Variants in DISC1 observed in about 807,000 individuals in gnomAD.
DISC1 encodes DISC1 scaffold protein.
DISC1 carries 57 observed loss-of-function variants against 84.5 expected under a neutral mutation model. The observed-to-expected ratio is 0.67, with a 90% CI of 0.55 to 0.84. The LOEUF (loss-of-function observed/expected upper bound fraction) is 0.84, where lower values mean the gene tolerates loss of function less well. DISC1 is among the 40% of genes least tolerant of loss of function. DISC1 has a pLI of 0.00. For synonymous variants in DISC1, 411 were observed against 415.2 expected, an observed-to-expected ratio of 0.99 and a Z score of 0.12; for missense variants, 1,000 against 1,057.8, an observed-to-expected ratio of 0.95 and a Z score of 0.76.
intron 11 of DISC1, among the ~76,000 whole-genome samples, chr1:232,013,187 T>C (rs821633): frequency 0.37 from 56,914 of 151,920 alleles, 11,062 homozygotes; most frequent in African/African-American, 0.44. Flanking sequence ...TCTGTTTCCA[T>C]TGCTTTTTCT....
At position 232,036,896 on chromosome 1, in the gene DISC1, C is replaced by A; in HGVS notation, c.*65C>A. The A allele has an allele frequency of 1.4e-6, 2 of 1,412,404 alleles. No homozygotes were observed. Among genetic ancestry groups the A allele is most frequent in the Non-Finnish European group, 1.9e-6 (2 of 1,064,428 alleles). The allele number at this position is 1,412,404 out of a possible 1,614,324, so 87.5% of individuals were successfully genotyped here. ...TGGACCCGGGGGGCTGCTCTTCCCTCCCCCGCCATAGCTAAGATGCCTGAA... is the reference window on the plus strand; with the variant it reads ...TGGACCCGGGGGGCTGCTCTTCCCTACCCCGCCATAGCTAAGATGCCTGAA... On this transcript the variant is annotated 3_prime_UTR_variant, in exon 13 of 13. Transcript: ENST00000439617.
chr1:231,792,891 C>T (rs181259618), intron 6 of DISC1, among the ~76,000 whole-genome samples: 13 of 152,350 alleles, frequency 8.5e-5, no homozygotes, highest in Admixed American at 7.2e-4. Context: ...GAATTTTTGT[C>T]AGATGGCAGC....
chr1:231,939,545 T>C (rs2091176238), intron 9 of DISC1, among the ~76,000 whole-genome samples: 1 of 152,186 alleles, frequency 6.6e-6, no homozygotes, highest in Admixed American at 6.5e-5. Flanking sequence ...TTTCTTGTCA[T>C]GCCCTCAGTT....
chr1:231,751,509 A>G (rs1169113230), intron 4 of DISC1, among the ~76,000 whole-genome samples: 1 of 152,210 alleles, frequency 6.6e-6, no homozygotes, highest in East Asian at 1.9e-4. Context: ...ATTGTTAAGT[A>G]TACAGTTCAG....
intron 1 of DISC1, among the ~76,000 whole-genome samples, chr1:231,658,730 G>T (rs1313199413): frequency 6.6e-6 from 1 of 152,162 alleles, no homozygotes; most frequent in East Asian, 1.9e-4. Flanking sequence ...CATATATTGA[G>T]ATAATCATGT....
intron 9 of DISC1, among the ~76,000 whole-genome samples, chr1:231,870,927 T>G (rs189681263): frequency 1.3e-5 from 2 of 152,238 alleles, no homozygotes; most frequent in Admixed American, 1.3e-4. Context: ...ATGACTTTAA[T>G]TTTGCTCTAG....
At chr1:231,673,823 C>G (rs1241093663) in intron 1 of DISC1, among the ~76,000 whole-genome samples, 1 of 152,182 alleles carries the variant, frequency 6.6e-6, no homozygotes, top group Non-Finnish European at 1.5e-5. Flanking sequence ...AGATAAACAA[C>G]AAACATCATT....
intron 9 of DISC1, among the ~76,000 whole-genome samples, chr1:231,941,914 T>C (rs1229932281): frequency 6.6e-6 from 1 of 152,132 alleles, no homozygotes; most frequent in Non-Finnish European, 1.5e-5. Flanking sequence ...GAAAGTGCCC[T>C]CAAAGGCGGG....
At chr1:231,632,869 G>A (rs1033616963) in intron 1 of DISC1, among the ~76,000 whole-genome samples, 9 of 152,082 alleles carry the variant, frequency 5.9e-5, no homozygotes, top group Non-Finnish European at 1.2e-4. Context: ...TCAGGAGTTC[G>A]AGACCATCCT....
intron 9 of DISC1, among the ~76,000 whole-genome samples, chr1:231,854,092 C>T (rs564823667): frequency 5.3e-5 from 8 of 152,166 alleles, no homozygotes; most frequent in Non-Finnish European, 1.2e-4. Flanking sequence ...GACCCTGGGG[C>T]TGATAACCAA....
rs536856653 is a variant in DISC1, at chr1:231,909,349, A to G, written c.1982-49479A>G. Among the ~76,000 whole-genome samples the G allele has an allele frequency of 2.0e-5, 3 of 152,350 alleles. No individual in the cohort carries two copies. In the South Asian group the frequency reaches 6.2e-4, roughly 32 times the overall value. On this transcript the variant is annotated intron_variant, in intron 9 of 12. Coordinates refer to ENST00000439617, the MANE Select transcript of DISC1 (RefSeq NM_018662.3). ...CATTATTTTGAGATACATCCCATCAATATCAAGTTTATTGAGAGTTTTTAG... is the reference window on the plus strand; with the variant it reads ...CATTATTTTGAGATACATCCCATCAGTATCAAGTTTATTGAGAGTTTTTAG...
intron 3 of DISC1, among the ~76,000 whole-genome samples, chr1:231,720,551 G>A (rs2069523108): frequency 6.6e-6 from 1 of 152,038 alleles, no homozygotes; most frequent in African/African-American, 2.4e-5. Context: ...TGTTGCACAG[G>A]CTGGTCTTGA....
chr1:231,732,157 A>G (rs745724493), intron 3 of DISC1, among the ~76,000 whole-genome samples: 1 of 152,230 alleles, frequency 6.6e-6, no homozygotes, highest in Non-Finnish European at 1.5e-5. Context: ...TGAAGGCTAC[A>G]TGAGAAAGGT....
chr1:231,899,096 TC>T (rs1341612175), intron 9 of DISC1, among the ~76,000 whole-genome samples: 1 of 152,172 alleles, frequency 6.6e-6, no homozygotes, highest in African/African-American at 2.4e-5. Context: ...AGTGTGGATT[TC>T]CCAACCAGCT....
At chr1:232,005,782 A>G (rs1262843924) in intron 10 of DISC1, among the ~76,000 whole-genome samples, 2 of 152,252 alleles carry the variant, frequency 1.3e-5, no homozygotes, top group African/African-American at 2.4e-5. Context: ...AATTAAAAGT[A>G]TCTGAAACTT....
intron 10 of DISC1, among the ~76,000 whole-genome samples, chr1:231,988,171 G>A (rs1277838000): frequency 1.3e-5 from 2 of 152,166 alleles, no homozygotes; most frequent in Non-Finnish European, 2.9e-5. Flanking sequence ...GGGCGACAGA[G>A]TGAGACCCTG....
At chr1:231,838,269 T>C (rs576775608) in intron 9 of DISC1, among the ~76,000 whole-genome samples, 2 of 151,688 alleles carry the variant, frequency 1.3e-5, no homozygotes, top group East Asian at 3.9e-4. Flanking sequence ...ACTTTGTGTT[T>C]GAACTGTGTT....
intron 3 of DISC1, among the ~76,000 whole-genome samples, chr1:231,727,004 G>A (rs2070808904): frequency 6.6e-6 from 1 of 152,106 alleles, no homozygotes; most frequent in African/African-American, 2.4e-5. Flanking sequence ...TTGGATTAAG[G>A]CTGGCATAGT....
chr1:231,741,173 A>G (rs2073218984), intron 3 of DISC1, among the ~76,000 whole-genome samples: 1 of 152,182 alleles, frequency 6.6e-6, no homozygotes, highest in African/African-American at 2.4e-5. Flanking sequence ...GACAGTAGAA[A>G]TGGAGAAGAT....
Sources: gnomAD v4.1 joint callset for allele counts (sites outside exome capture counted in the v4.1 genomes callset) on GRCh38, gnomAD v4.1.1 for gene constraint, MANE v1.5 for transcripts, NCBI Gene and HGNC (gene_info 2026-07-23, HGNC 2026-07-21) for gene names.